The following RHEB variants were observed in gnomAD, a reference collection of about 807,000 sequenced individuals.
RHEB encodes the protein Ras homolog, mTORC1 binding.
In RHEB, 2 loss-of-function variants were observed where a neutral mutation model predicts 28.8. The ratio of observed to expected loss-of-function variants is 0.07; its 90% CI spans 0.03 to 0.22. The LOEUF (loss-of-function observed/expected upper bound fraction) is 0.22. Among genes scored for constraint, RHEB ranks in the 10% least tolerant of loss-of-function variants. RHEB has a pLI of 1.00. For missense variants in RHEB, 76 were observed against 219.9 expected (o/e 0.35, Z 4.14); for synonymous variants, 69 against 77.3 (o/e 0.89, Z 0.56).
intron 7 of RHEB, 71 bp downstream of exon 7, chr7:151,470,500 C>T: frequency 9.6e-7 from 1 of 1,036,362 alleles, no homozygotes; most frequent in Non-Finnish European, 1.5e-6. Flanking sequence ...AGGTCAAATG[C>T]CAACTGCAAG....
At position 151,471,402 on chromosome 7, in the gene RHEB, A is replaced by C. The variant is rs749553302; in HGVS notation, c.372T>G (p.His124Gln). ...TTATAAAAGCTACATACCTTTCCAT[A>C]TGCAGGTCTTTCTTATTCCCAACCA... ...IMLVGNKKDL[H>Q]MERVISYEEG... Residue 124 changes from histidine (H) to glutamine (Q), a missense_variant, in exon 6 of 8, where the codon CAT becomes CAG. Coordinates refer to ENST00000262187, the MANE Select transcript of RHEB (RefSeq NM_005614.4). 1.3e-6 allele frequency: 2 copies of C among 1,565,472 alleles called. No individual in the cohort carries two copies. Among genetic ancestry groups the C allele is most frequent in the South Asian group, 2.3e-5 (2 of 88,460 alleles).
At chr7:151,470,274 T>C (rs1802139511) in intron 7 of RHEB, 1 of 193,538 alleles carries the variant, frequency 5.2e-6, no homozygotes, top group Admixed American at 6.0e-5. Flanking sequence ...CTTATTTCTG[T>C]ACCAGCTATT....
At chr7:151,476,452 T>G (rs1324770158) in intron 4 of RHEB, among the ~76,000 whole-genome samples, 1 of 152,224 alleles carries the variant, frequency 6.6e-6, no homozygotes, top group Non-Finnish European at 1.5e-5. Flanking sequence ...GCCTTGACTG[T>G]GGAACTGGAG....
chr7:151,514,450 T>G (rs572544223), intron 1 of RHEB, among the ~76,000 whole-genome samples: 246 of 151,460 alleles, frequency 1.6e-3, no homozygotes, highest in Non-Finnish European at 2.5e-3. Context: ...ACAGGAGAAA[T>G]TATTTGCAAA....
intron 7 of RHEB, among the ~76,000 whole-genome samples, chr7:151,469,835 C>T (rs1421547105): frequency 2.0e-5 from 3 of 152,032 alleles, no homozygotes; most frequent in Non-Finnish European, 4.4e-5. Flanking sequence ...GCATTCAGGA[C>T]CAGGCGAAGG....
At chr7:151,496,066 G>A (rs1802667082) in intron 1 of RHEB, among the ~76,000 whole-genome samples, 1 of 152,140 alleles carries the variant, frequency 6.6e-6, no homozygotes, top group Admixed American at 6.5e-5. Context: ...GCAGAAGGGG[G>A]AGTCCATTAG....
rs1475744816 is a variant in RHEB at position 151,468,689 on chromosome 7, C to T, written c.463-1478G>A. ...TCCTCCATCCACCAAGCTGACCCAC[C>T]CACTTGAATGTGGGCTCCCATCCTC... is the stretch of plus-strand genomic sequence containing the variant. On this transcript the variant is annotated intron_variant, in intron 7 of 7. Coordinates refer to ENST00000262187, the MANE Select transcript of RHEB (RefSeq NM_005614.4). The surrounding 1 kb of genome is among the most constrained non-coding windows in gnomAD (Gnocchi z 4.3). Among the ~76,000 whole-genome samples the T allele has an allele frequency of 2.6e-5, 4 of 152,248 alleles. No homozygotes were observed. Among genetic ancestry groups the T allele is most frequent in the African/African-American group, 9.6e-5 (4 of 41,472 alleles).
intron 7 of RHEB, among the ~76,000 whole-genome samples, chr7:151,467,821 A>C (rs1044351550): frequency 3.9e-5 from 6 of 151,908 alleles, no homozygotes; most frequent in African/African-American, 1.5e-4. Context: ...CCAGTCCTTC[A>C]CCACAGACAG....
intron 1 of RHEB, among the ~76,000 whole-genome samples, chr7:151,518,660 G>A (rs886469887): frequency 2.0e-5 from 3 of 152,144 alleles, no homozygotes; most frequent in Non-Finnish European, 2.9e-5. Flanking sequence ...TAAGGCGACT[G>A]CTAGGAACTG....
intron 1 of RHEB, among the ~76,000 whole-genome samples, chr7:151,510,879 G>A (rs907571119): frequency 1.3e-5 from 2 of 152,008 alleles, no homozygotes; most frequent in Non-Finnish European, 2.9e-5. Context: ...AGGACTTCGA[G>A]ACCAGTCGAG....
intron 1 of RHEB, among the ~76,000 whole-genome samples, chr7:151,516,212 A>C (rs575228546): frequency 2.0e-5 from 3 of 152,336 alleles, no homozygotes; most frequent in African/African-American, 7.2e-5. Flanking sequence ...TTAACATTGT[A>C]AATACCAGGA....
intron 1 of RHEB, among the ~76,000 whole-genome samples, chr7:151,509,668 C>T (rs183042279): frequency 6.6e-6 from 1 of 152,330 alleles, no homozygotes; most frequent in African/African-American, 2.4e-5. Context: ...CAGCACACTA[C>T]AGACCAGGGG....
rs532189357 is a variant in RHEB, at chr7:151,502,590, T to A, written c.53-11576A>T. On this transcript the variant is annotated intron_variant, in intron 1 of 7. Transcript: ENST00000262187. ...ACAACAAATTCCATAAAGGGGCTCT[T>A]ACAGCACTACTTTCAGATGACAGCA... is the stretch of plus-strand genomic sequence containing the variant. 2.2e-4 allele frequency: 291 copies of A among 1,337,898 alleles called. 3 individuals carry two copies. In the South Asian group the frequency reaches 3.1e-3, roughly 14 times the overall value. 82.9% of individuals were successfully genotyped at this position (1,337,898 alleles called of 1,614,324 possible). A position where few individuals can be genotyped will look rare whatever the true frequency, so the allele number is the denominator to read the frequency against.
At chr7:151,492,610 C>T (rs1218080078) in intron 1 of RHEB, among the ~76,000 whole-genome samples, 2 of 149,048 alleles carry the variant, frequency 1.3e-5, no homozygotes, top group Admixed American at 6.7e-5. Context: ...GAGTGAGACT[C>T]TGTCTTATAA....
chr7:151,514,896 G>C (rs1803048220), intron 1 of RHEB, among the ~76,000 whole-genome samples: 8 of 151,884 alleles, frequency 5.3e-5, no homozygotes. Flanking sequence ...AAAACTAGCT[G>C]GGTGTGATGG....
intron 1 of RHEB, among the ~76,000 whole-genome samples, chr7:151,517,690 C>CA (rs554116118): frequency 0.074 from 5,659 of 76,592 alleles, 227 homozygotes; most frequent in African/African-American, 0.15. Context: ...CTTCTGTAGC[C>CA]AAAAAAAAAA....
intron 2 of RHEB, among the ~76,000 whole-genome samples, chr7:151,488,079 G>A (rs951013587): frequency 1.3e-5 from 2 of 152,180 alleles, no homozygotes; most frequent in African/African-American, 4.8e-5. Context: ...GCTACCTTGA[G>A]ATGGCAGAAG....
intron 1 of RHEB, chr7:151,502,809 G>T: frequency 7.5e-7 from 1 of 1,328,938 alleles, no homozygotes; most frequent in South Asian, 1.2e-5. Context: ...GCTATTTCTG[G>T]GGACAAAGTG....
intron 1 of RHEB, among the ~76,000 whole-genome samples, chr7:151,511,199 A>G (rs1802981213): frequency 6.6e-6 from 1 of 152,256 alleles, no homozygotes; most frequent in Non-Finnish European, 1.5e-5. Flanking sequence ...GTAAAAGCCC[A>G]TATTTGCATC....
Sources: gnomAD v4.1 joint callset for allele counts (sites outside exome capture counted in the v4.1 genomes callset) on GRCh38, gnomAD v4.1.1 for gene constraint, Gnocchi (gnomAD v3.1) non-coding constraint, MANE v1.5 for transcripts, NCBI Gene and HGNC (gene_info 2026-07-23, HGNC 2026-07-21) for gene names.